The following ANO4 variants were observed in gnomAD, a reference collection of about 807,000 sequenced individuals.
The protein encoded by ANO4 is anoctamin 4, also known as anoctamin-4.
A neutral mutation model predicts 141.9 loss-of-function variants in ANO4; 69 were observed. That is an observed-to-expected ratio of 0.49 (90% CI 0.40 to 0.59). ANO4 has a LOEUF of 0.59. ANO4 is among the 20% of genes least tolerant of loss of function. ANO4 has a pLI of 0.00. For missense variants in ANO4, 894 were observed against 1,162.2 expected (o/e 0.77, Z 3.36); for synonymous variants, 350 against 394.3 (o/e 0.89, Z 1.33).
At chr12:101,092,299 A>G (rs2049809013) in intron 17 of ANO4, among the ~76,000 whole-genome samples, 1 of 152,150 alleles carries the variant, frequency 6.6e-6, no homozygotes, top group African/African-American at 2.4e-5. Context: ...TCAGCCTGGC[A>G]AGATAAAAGT....
At chr12:101,116,998 G>A (rs2050880879) in intron 25 of ANO4, among the ~76,000 whole-genome samples, 200 bp downstream of exon 25, 1 of 152,170 alleles carries the variant, frequency 6.6e-6, no homozygotes, top group South Asian at 2.1e-4. Context: ...AGAATGTCAG[G>A]GAGTGGAACT....
chr12:100,914,983 T>C (rs1315576604), intron 2 of ANO4, among the ~76,000 whole-genome samples: 3 of 150,976 alleles, frequency 2.0e-5, no homozygotes, highest in Admixed American at 6.6e-5. Context: ...CCCAGCTAAT[T>C]TTATTTTATA....
At chr12:101,081,582 G>C (rs1018839592) in intron 15 of ANO4, among the ~76,000 whole-genome samples, 2 of 152,134 alleles carry the variant, frequency 1.3e-5, no homozygotes, top group Non-Finnish European at 2.9e-5. Flanking sequence ...CTACCTTATT[G>C]TGCAGAAAAA....
intron 1 of ANO4, among the ~76,000 whole-genome samples, chr12:100,802,081 AAATC>A (rs2034733424): frequency 6.6e-6 from 1 of 152,324 alleles, no homozygotes; most frequent in African/African-American, 2.4e-5. Flanking sequence ...AGTCTAACTT[AAATC>A]AATCAGTTTA....
intron 1 of ANO4, among the ~76,000 whole-genome samples, chr12:100,819,646 T>G (rs550668034): frequency 3.9e-5 from 6 of 152,034 alleles, no homozygotes; most frequent in African/African-American, 9.7e-5. Flanking sequence ...TGCTCTATAC[T>G]TTTTTATGAA....
At chr12:100,799,390 A>T (rs573942834) in intron 1 of ANO4, among the ~76,000 whole-genome samples, 1 of 152,134 alleles carries the variant, frequency 6.6e-6, no homozygotes, top group Non-Finnish European at 1.5e-5. Flanking sequence ...CAGGGCGAAT[A>T]TGTATATGAT....
At chr12:100,724,244 C>T (rs146669688) in intron 1 of ANO4, among the ~76,000 whole-genome samples, 6 of 152,228 alleles carry the variant, frequency 3.9e-5, no homozygotes, top group Admixed American at 6.5e-5. Flanking sequence ...AAAGGGACGC[C>T]GGGATAATGA....
chr12:100,773,333 C>G (rs986488554), intron 3 of ANO4, among the ~76,000 whole-genome samples: 1 of 152,222 alleles, frequency 6.6e-6, no homozygotes, highest in Non-Finnish European at 1.5e-5. Context: ...ACTACAAGCT[C>G]CATAAGGGAC....
chr12:100,969,203 G>A (rs2043814555), intron 5 of ANO4, among the ~76,000 whole-genome samples: 1 of 152,186 alleles, frequency 6.6e-6, no homozygotes, highest in Non-Finnish European at 1.5e-5. Flanking sequence ...AATATTGTGT[G>A]TGTGGTCCCT....
chr12:101,069,217 C>T, intron 14 of ANO4: 4 of 1,281,784 alleles, frequency 3.1e-6, no homozygotes, highest in Non-Finnish European at 4.5e-6. Flanking sequence ...GCTGTATTGA[C>T]TTGTTCAAGA....
chr12:101,051,663 C>A (rs1375803935), intron 14 of ANO4, among the ~76,000 whole-genome samples: 1 of 152,210 alleles, frequency 6.6e-6, no homozygotes, highest in African/African-American at 2.4e-5. Context: ...TTTAATCTCT[C>A]CAGCAAGCTT....
chr12:101,043,751 G>C lies in ANO4; in HGVS notation c.1251+116G>C, dbSNP rs1179927891. 4.1e-6 allele frequency: 3 copies of C among 723,518 alleles called. No homozygotes were observed. The African/African-American group carries it at 5.3e-5, about 13-fold the overall frequency. 44.8% of individuals were successfully genotyped at this position (723,518 alleles called of 1,614,324 possible). A position where few individuals can be genotyped will look rare whatever the true frequency, so the allele number is the denominator to read the frequency against. ...CTTTGATTTTCAAGTGAATGTTGTA[G>C]GATAGACTTATCTCCATCATTCAGT... is the stretch of plus-strand genomic sequence containing the variant. On this transcript the variant is annotated intron_variant, in intron 13 of 27. Transcript: ENST00000392977.
At chr12:101,090,051 C>G (rs1411976753) in intron 17 of ANO4, among the ~76,000 whole-genome samples, 1 of 152,132 alleles carries the variant, frequency 6.6e-6, no homozygotes, top group Non-Finnish European at 1.5e-5. Context: ...CAATGAGATA[C>G]CATCTCACAC....
intron 8 of ANO4, 115 bp downstream of exon 8, chr12:100,987,785 C>T: frequency 7.1e-7 from 1 of 1,404,928 alleles, no homozygotes; most frequent in Non-Finnish European, 9.6e-7. Context: ...GTGCCCTTCT[C>T]CCCTAAAAGT....
chr12:100,916,177 T>G (rs2041330767), intron 2 of ANO4, among the ~76,000 whole-genome samples: 1 of 152,178 alleles, frequency 6.6e-6, no homozygotes, highest in East Asian at 1.9e-4. Flanking sequence ...CTTTTTCCAC[T>G]GAGGAAGAGG....
intron 1 of ANO4, among the ~76,000 whole-genome samples, chr12:100,803,499 CTA>C (rs2135671888): frequency 6.6e-6 from 1 of 152,278 alleles, no homozygotes. Flanking sequence ...TATTCCCATC[CTA>C]TATTTTGTGG....
In ANO4 at chr12:100,750,341, G is replaced by T. The variant is rs144552119; in HGVS notation, c.358+10236G>T. ...GTATTTTTAGTAGAGACAGGGTTTC[G>T]TCATGTTGGCCAGGCTAGTCTTGAA... On this transcript the variant is annotated intron_variant, in intron 3 of 29. Transcript: ENST00000644049. Among the ~76,000 whole-genome samples the T allele has an allele frequency of 2.7e-5, 4 of 145,614 alleles. No individual in the cohort carries two copies. The East Asian group carries it at 8.1e-4, about 29-fold the overall frequency.
At chr12:100,736,145 C>T (rs192919992) in intron 2 of ANO4, among the ~76,000 whole-genome samples, 56 of 152,000 alleles carry the variant, frequency 3.7e-4, no homozygotes, top group African/African-American at 1.3e-3. Context: ...GAGTGGGTGG[C>T]GGGATGGGAG....
At chr12:100,978,725 T>C (rs1328261141) in intron 7 of ANO4, among the ~76,000 whole-genome samples, 1 of 152,184 alleles carries the variant, frequency 6.6e-6, no homozygotes, top group Non-Finnish European at 1.5e-5. Flanking sequence ...TAGCAGCTAT[T>C]TGGAAATTCA....
Sources: allele counts gnomAD v4.1 joint callset (sites outside exome capture counted in the v4.1 genomes callset), GRCh38; gene constraint gnomAD v4.1.1; transcripts MANE v1.5; gene names NCBI Gene and HGNC (gene_info 2026-07-23, HGNC 2026-07-21).